The following ITPR2 variants were observed in gnomAD, a reference collection of about 807,000 sequenced individuals.
The protein encoded by ITPR2 is inositol 1,4,5-trisphosphate receptor type 2, also known as inositol 1,4,5-trisphosphate-gated calcium channel ITPR2.
Under a neutral mutation model 317.1 loss-of-function variants are expected in ITPR2, and 207 were observed. The ratio of observed to expected loss-of-function variants is 0.65; its 90% CI spans 0.58 to 0.73. The LOEUF is 0.73. ITPR2 is among the 30% of genes least tolerant of loss of function. The pLI is 0.00. For synonymous variants in ITPR2, 1,156 were observed against 1,149.1 expected (o/e 1.01, Z -0.12); for missense variants, 2,613 against 3,284.0 (o/e 0.80, Z 4.99).
chr12:26,639,714 T>C (rs1188357724), intron 21 of ITPR2, among the ~76,000 whole-genome samples: 1 of 149,260 alleles, frequency 6.7e-6, no homozygotes, highest in Non-Finnish European at 1.5e-5. Flanking sequence ...AGTGAGAATA[T>C]GCGGTGTTTG....
At chr12:26,669,033 T>A (rs1259858831) in intron 13 of ITPR2, among the ~76,000 whole-genome samples, 11 of 152,070 alleles carry the variant, frequency 7.2e-5, no homozygotes, top group Non-Finnish European at 1.3e-4. Context: ...CAAGAGGAAT[T>A]GCTGAAACCT....
intron 45 of ITPR2, among the ~76,000 whole-genome samples, chr12:26,465,736 T>C (rs1197978197): frequency 6.6e-6 from 1 of 152,078 alleles, no homozygotes; most frequent in African/African-American, 2.4e-5. Context: ...TGTTTTTGTG[T>C]CTCCCTCCTG....
intron 54 of ITPR2, among the ~76,000 whole-genome samples, chr12:26,394,018 A>G (rs1939922085): frequency 1.3e-5 from 2 of 152,282 alleles, no homozygotes; most frequent in Admixed American, 6.5e-5. Context: ...AAAAAAATGG[A>G]TAAGACATGG....
chr12:26,721,816 T>C (rs1948844775), intron 5 of ITPR2, among the ~76,000 whole-genome samples: 1 of 152,148 alleles, frequency 6.6e-6, no homozygotes, highest in South Asian at 2.1e-4. Flanking sequence ...GGTCTTGCTA[T>C]GTTGCCCAGG....
chr12:26,559,424 G>A lies in ITPR2; in HGVS notation c.4821+2338C>T, dbSNP rs1403863774. 4.6e-5 allele frequency among the ~76,000 whole-genome samples: 7 copies of A among 152,304 alleles called. No individual in the cohort carries two copies. The South Asian group carries it at 1.0e-3, about 23-fold the overall frequency. On this transcript the variant is annotated intron_variant, in intron 35 of 56. Transcript: ENST00000381340. ...ACCAGCAGATTTGTTGTCTGGTGAG[G>A]ATGCACTTCCTGGTTCATAGAGGGT...
chr12:26,416,419 A>T (rs59819193), intron 50 of ITPR2, among the ~76,000 whole-genome samples: 5,950 of 152,250 alleles, frequency 0.039, 340 homozygotes, highest in African/African-American at 0.13. Context: ...GTATTTTTAA[A>T]ATTGGAATAA....
At chr12:26,668,245 A>G (rs1947671322) in intron 13 of ITPR2, among the ~76,000 whole-genome samples, 1 of 152,224 alleles carries the variant, frequency 6.6e-6, no homozygotes, top group Non-Finnish European at 1.5e-5. Flanking sequence ...AACACATGAT[A>G]GGGAAATAAA....
chr12:26,483,576 T>C, intron 42 of ITPR2, 122 bp downstream of exon 42: 3 of 701,250 alleles, frequency 4.3e-6, no homozygotes, highest in East Asian at 2.6e-5. Context: ...TCTTTGTATG[T>C]TTTATTAGGA....
chr12:26,403,303 A>G (rs1007550726), intron 52 of ITPR2, among the ~76,000 whole-genome samples: 6 of 152,200 alleles, frequency 3.9e-5, no homozygotes, highest in Admixed American at 3.9e-4. Flanking sequence ...CCAGGTCATA[A>G]GGAGACTCAC....
chr12:26,586,420 G>C (rs1162412823), intron 32 of ITPR2, among the ~76,000 whole-genome samples: 2 of 152,154 alleles, frequency 1.3e-5, no homozygotes, highest in Non-Finnish European at 2.9e-5. Context: ...TTACAAGTGT[G>C]AGGATATTTT....
At chr12:26,566,538 GAGAGGAGAAGGATA>G (rs1944992634) in intron 34 of ITPR2, among the ~76,000 whole-genome samples, 3 of 148,780 alleles carry the variant, frequency 2.0e-5, no homozygotes, top group Admixed American at 1.3e-4. Context: ...GAGGAAAGAA[GAGAGGAGAAGGATA>G]AGGAGGAGAG....
Position 26,683,072 on chromosome 12 carries a change from A to T in ITPR2, c.1149-399T>A, listed in dbSNP as rs1005161137. Among the ~76,000 whole-genome samples the T allele has an allele frequency of 9.1e-4, 138 of 152,208 alleles. 2 individuals are homozygous for T. Among genetic ancestry groups the T allele is most frequent in the Non-Finnish European group, 7.3e-5 (5 of 68,034 alleles). On this transcript the variant is annotated intron_variant, in intron 11 of 56. Transcript: ENST00000381340. ...TGATCAAATAGCCAACTCAGCTAAC[A>T]CTGCTGGCAGACAGTAGTGTAGTTT... is the stretch of plus-strand genomic sequence containing the variant.
chr12:26,373,093 T>C (rs556632600), intron 55 of ITPR2, among the ~76,000 whole-genome samples: 18 of 152,300 alleles, frequency 1.2e-4, no homozygotes, highest in Admixed American at 5.9e-4. Flanking sequence ...GATCCACATA[T>C]GATCCCCCCA....
chr12:26,423,203 GGA>G lies in ITPR2; in HGVS notation c.6946-3992_6946-3991del, dbSNP rs146613339. Among the ~76,000 whole-genome samples, 132 of 151,522 alleles carry G rather than the reference GGA, an allele frequency of 8.7e-4. 1 individual carries two copies. In the South Asian group the frequency reaches 0.015, roughly 17 times the overall value. The stretch of plus-strand genomic sequence containing the variant: ...TGAAAAAGGGTAGGTCTGTGTGTGT[GGA>G]GAGAGAGAGAGAGAAAATGAAAGTT... On this transcript the variant is annotated intron_variant, in intron 49 of 56. Coordinates refer to ENST00000381340, the MANE Select transcript of ITPR2 (RefSeq NM_002223.4).
intron 32 of ITPR2, among the ~76,000 whole-genome samples, chr12:26,592,050 CA>C (rs11294337): frequency 0.089 from 13,512 of 152,204 alleles, 723 homozygotes; most frequent in Non-Finnish European, 0.13. Context: ...ATATACACAA[CA>C]GAGTACTATT....
chr12:26,476,873 G>T, intron 44 of ITPR2, 39 bp downstream of exon 44: 2 of 1,383,064 alleles, frequency 1.4e-6, no homozygotes, highest in South Asian at 1.2e-5. Context: ...TTCCTTTTAG[G>T]CTACCCAATA....
intron 37 of ITPR2, among the ~76,000 whole-genome samples, chr12:26,529,798 A>G (rs1336604667): frequency 6.6e-6 from 1 of 152,230 alleles, no homozygotes; most frequent in African/African-American, 2.4e-5. Flanking sequence ...GATTCAATAC[A>G]TGATGGCTAG....
chr12:26,528,670 A>G lies in ITPR2; in HGVS notation c.5073+21577T>C, dbSNP rs143110575. Among the ~76,000 whole-genome samples, 175 of 152,366 alleles carry G rather than the reference A, an allele frequency of 1.1e-3. 1 individual carries two copies. Among genetic ancestry groups the G allele is most frequent in the African/African-American group, 4.1e-3 (169 of 41,598 alleles). On this transcript the variant is annotated intron_variant, in intron 37 of 56. Transcript: ENST00000381340. ...CCTTTTGATATTGCTGTCATCAAGAAGCTCAGAATATCATGCAAAGGGGGA... is the reference window on the plus strand; with the variant it reads ...CCTTTTGATATTGCTGTCATCAAGAGGCTCAGAATATCATGCAAAGGGGGA...
chr12:26,589,444 G>A (rs1441024981), intron 32 of ITPR2, among the ~76,000 whole-genome samples: 2 of 152,006 alleles, frequency 1.3e-5, no homozygotes, highest in South Asian at 2.1e-4. Context: ...ATGGAAGGTG[G>A]TATGAGTGCT....
Sources: gnomAD v4.1 joint callset for allele counts (sites outside exome capture counted in the v4.1 genomes callset) on GRCh38, gnomAD v4.1.1 for gene constraint, MANE v1.5 for transcripts, NCBI Gene and HGNC (gene_info 2026-07-23, HGNC 2026-07-21) for gene names.